FBXO11: variants seen among roughly 807,000 people sequenced by gnomAD.
FBXO11 encodes the protein F-box protein 11, also known as F-box only protein 11.
In FBXO11, 13 loss-of-function variants were observed where a neutral mutation model predicts 117.0. That is an observed-to-expected ratio of 0.11 (90% confidence interval 0.07 to 0.18). The LOEUF is 0.18. Ranked by LOEUF, FBXO11 falls within the 10% of genes least tolerant of loss-of-function variation. The pLI is 1.00. For synonymous variants in FBXO11, 490 were observed against 380.5 expected (o/e 1.29, Z -3.35); for missense variants, 767 against 1,164.4 (o/e 0.66, Z 4.97).
At chr2:47,901,563 T>C (rs1262505736) in intron 1 of FBXO11, among the ~76,000 whole-genome samples, 2 of 152,148 alleles carry the variant, frequency 1.3e-5, no homozygotes, top group South Asian at 2.1e-4. Context: ...TTTTAAACTG[T>C]GGCAATATTA....
At chr2:47,901,380 A>G (rs934832641) in intron 1 of FBXO11, among the ~76,000 whole-genome samples, 7 of 151,788 alleles carry the variant, frequency 4.6e-5, no homozygotes, top group Non-Finnish European at 5.9e-5. Flanking sequence ...TGACTTTTCC[A>G]ATAACTAGAA....
chr2:47,837,402 C>T (rs1284558587), intron 4 of FBXO11, among the ~76,000 whole-genome samples: 1 of 152,174 alleles, frequency 6.6e-6, no homozygotes, highest in Non-Finnish European at 1.5e-5. Context: ...TGGGAGGTGC[C>T]TGTAATCCCA....
Position 47,882,727 on chromosome 2 carries a change from T to C in FBXO11, c.232+22762A>G, listed in dbSNP as rs996060065. Reference sequence around the variant, plus strand: ...AGTGCAGTGGGGCAATTTTGGCTTATTGCAATCTCTGCCTGCTTGGCTCAA... The same window carrying C: ...AGTGCAGTGGGGCAATTTTGGCTTACTGCAATCTCTGCCTGCTTGGCTCAA... On this transcript the variant is annotated intron_variant, in intron 1 of 22. Transcript: ENST00000403359. 3.3e-5 allele frequency among the ~76,000 whole-genome samples: 5 copies of C among 152,140 alleles called. No homozygotes were observed. The East Asian group carries it at 5.8e-4, about 18-fold the overall frequency.
chr2:47,889,130 A>G (rs763610987), intron 1 of FBXO11, among the ~76,000 whole-genome samples: 3 of 152,198 alleles, frequency 2.0e-5, no homozygotes, highest in Non-Finnish European at 4.4e-5. Context: ...TTTCCATAAC[A>G]TAACTTTCTA....
At chr2:47,862,641 T>C (rs964616353) in intron 1 of FBXO11, among the ~76,000 whole-genome samples, 4 of 152,190 alleles carry the variant, frequency 2.6e-5, no homozygotes, top group Non-Finnish European at 5.9e-5. Context: ...ATATGCACAA[T>C]GTATAATTCT....
At chr2:47,878,458 G>A (rs1676175362) in intron 1 of FBXO11, among the ~76,000 whole-genome samples, 1 of 151,830 alleles carries the variant, frequency 6.6e-6, no homozygotes, top group African/African-American at 2.4e-5. Context: ...CTGGGTTCAA[G>A]CAATTCTCCT....
chr2:47,851,487 A>G (rs553208852), intron 1 of FBXO11, among the ~76,000 whole-genome samples: 9 of 152,272 alleles, frequency 5.9e-5, no homozygotes, highest in African/African-American at 2.2e-4. Context: ...TCAGCTTCCC[A>G]AAGTGCTGGG....
chr2:47,879,282 T>C (rs930742157), intron 1 of FBXO11, among the ~76,000 whole-genome samples: 3 of 152,338 alleles, frequency 2.0e-5, no homozygotes, highest in African/African-American at 7.2e-5. Context: ...ATAAGATAAA[T>C]TTCAGAAAAC....
intron 16 of FBXO11, chr2:47,818,286 C>G (rs1412168193): frequency 1.3e-5 from 2 of 152,606 alleles, no homozygotes; most frequent in African/African-American, 4.8e-5. Flanking sequence ...AACACAGTAT[C>G]TGTGAAGCAC....
chr2:47,906,182 G>A lies in FBXO11; in HGVS notation c.-462C>T, dbSNP rs974855326. 1.1e-5 allele frequency: 2 copies of A among 180,970 alleles called. No individual in the cohort carries two copies. The highest frequency in any genetic ancestry group is 2.3e-5 in the Non-Finnish European group (2 of 85,552). The allele number at this position is 180,970 out of a possible 1,614,324, so 11.2% of individuals were successfully genotyped here. ...CGGGTGAGGAAGGGAGAAAAAGAGA[G>A]GGAGAGAAGGGAGGGAGGGAGCAGG... On this transcript the variant is annotated 5_prime_UTR_variant, in exon 1 of 23. Transcript: ENST00000403359.
chr2:47,901,139 A>ATG (rs1333247137), intron 1 of FBXO11, among the ~76,000 whole-genome samples: 5 of 132,216 alleles, frequency 3.8e-5, no homozygotes, highest in Non-Finnish European at 6.4e-5. Context: ...ATGTATATAT[A>ATG]TACACACGTG....
intron 1 of FBXO11, among the ~76,000 whole-genome samples, chr2:47,890,409 A>G (rs1677170882): frequency 6.6e-6 from 1 of 152,226 alleles, no homozygotes. Context: ...CACTTCCAAC[A>G]TTAAAAATAT....
At chr2:47,868,395 T>G (rs1479614221) in intron 1 of FBXO11, among the ~76,000 whole-genome samples, 1 of 152,078 alleles carries the variant, frequency 6.6e-6, no homozygotes, top group African/African-American at 2.4e-5. Context: ...TGCCACAGTG[T>G]GGGCCTTTTA....
At chr2:47,834,285 G>A (rs544201491) in intron 7 of FBXO11, among the ~76,000 whole-genome samples, 1 of 152,226 alleles carries the variant, frequency 6.6e-6, no homozygotes, top group East Asian at 1.9e-4. Context: ...AGGAGGCAGA[G>A]GTTACAGTGA....
At chr2:47,889,801 G>T (rs992557671) in intron 1 of FBXO11, among the ~76,000 whole-genome samples, 2 of 151,858 alleles carry the variant, frequency 1.3e-5, no homozygotes, top group Non-Finnish European at 2.9e-5. Flanking sequence ...TACCACTAGG[G>T]TACCTTCAGA....
At chr2:47,894,299 T>C (rs1677486597) in intron 1 of FBXO11, among the ~76,000 whole-genome samples, 1 of 152,304 alleles carries the variant, frequency 6.6e-6, no homozygotes, top group Middle Eastern at 3.4e-3. Context: ...AGTTTCACAA[T>C]TTTAAAATAA....
At position 47,893,293 on chromosome 2, in the gene FBXO11, G is replaced by A. The variant is rs570329468; in HGVS notation, c.232+12196C>T. Among the ~76,000 whole-genome samples, 21 of 152,036 alleles carry A rather than the reference G, an allele frequency of 1.4e-4. 1 individual carries two copies. The highest frequency in any genetic ancestry group is 4.8e-4 in the African/African-American group (20 of 41,464). On this transcript the variant is annotated intron_variant, in intron 1 of 22. Transcript: ENST00000403359. Reference sequence around the variant, plus strand: ...TCTGCTGGTCTTGCAAACAGTCTACGGCTAAGGCTACATGAAACTTCAGTG... The same window carrying A: ...TCTGCTGGTCTTGCAAACAGTCTACAGCTAAGGCTACATGAAACTTCAGTG...
At chr2:47,851,322 G>C (rs996839936) in intron 1 of FBXO11, among the ~76,000 whole-genome samples, 1 of 152,040 alleles carries the variant, frequency 6.6e-6, no homozygotes, top group Non-Finnish European at 1.5e-5. Flanking sequence ...TGCCTGCCAG[G>C]TTCAAGCGAT....
intron 1 of FBXO11, among the ~76,000 whole-genome samples, chr2:47,901,103 A>G (rs544308774): frequency 7.1e-4 from 80 of 112,894 alleles, no homozygotes; most frequent in Middle Eastern, 5.7e-3. Context: ...ATACATATAT[A>G]TGTATATATG....
Sources: gnomAD v4.1 joint callset for allele counts (sites outside exome capture counted in the v4.1 genomes callset) on GRCh38, gnomAD v4.1.1 for gene constraint, MANE v1.5 for transcripts, NCBI Gene and HGNC (gene_info 2026-07-23, HGNC 2026-07-21) for gene names.